SIL1: variants seen among roughly 807,000 people sequenced by gnomAD.
SIL1 encodes SIL1 nucleotide exchange factor.
A neutral mutation model predicts 49.1 loss-of-function variants in SIL1; 40 were observed. The observed-to-expected ratio is 0.81, with a 90% CI of 0.63 to 1.06. The LOEUF (loss-of-function observed/expected upper bound fraction) is 1.06. Ranked by LOEUF, SIL1 falls within the 50% of genes least tolerant of loss-of-function variation. SIL1 has a pLI of 0.00. For synonymous variants in SIL1, 253 were observed against 250.8 expected, an observed-to-expected ratio of 1.01 and a Z score of -0.08; for missense variants, 500 against 572.6, an observed-to-expected ratio of 0.87 and a Z score of 1.29.
intron 3 of SIL1, among the ~76,000 whole-genome samples, chr5:139,113,309 A>T (rs576040965): frequency 2.3e-5 from 3 of 132,064 alleles, no homozygotes; most frequent in East Asian, 2.0e-4. Flanking sequence ...ATAAAATAAA[A>T]AATAAATAAA....
At chr5:139,156,514 A>G (rs1313785508) in intron 1 of SIL1, among the ~76,000 whole-genome samples, 1 of 152,152 alleles carries the variant, frequency 6.6e-6, no homozygotes, top group Non-Finnish European at 1.5e-5. Flanking sequence ...GGGAGGGAAT[A>G]AGAAAAAAAA....
intron 1 of SIL1, among the ~76,000 whole-genome samples, chr5:139,165,552 GT>G (rs1463401218): frequency 6.6e-6 from 1 of 152,142 alleles, no homozygotes; most frequent in South Asian, 2.1e-4. Context: ...GTTTCACCAT[GT>G]TAGCCAGGCT....
At chr5:139,081,414 C>T (rs1473592101) in intron 3 of SIL1, among the ~76,000 whole-genome samples, 1 of 152,094 alleles carries the variant, frequency 6.6e-6, no homozygotes, top group East Asian at 1.9e-4. Context: ...GCCTCCATAC[C>T]CAGCTAACAA....
At position 139,009,463 on chromosome 5, in the gene SIL1, T is replaced by C. The variant is rs1381338671; in HGVS notation, c.767+11708A>G. Among the ~76,000 whole-genome samples the C allele has an allele frequency of 4.5e-5, 6 of 132,226 alleles. No individual in the cohort carries two copies. The East Asian group carries it at 1.3e-3, about 29-fold the overall frequency. The allele number at this position is 132,226 out of a possible 152,430, so 86.7% of individuals were successfully genotyped here. ...AATTGGAGAATTTAGTCCATTTACA[T>C]TTAAAGTTAATATTGTTATGTGTGA... On this transcript the variant is annotated intron_variant, in intron 7 of 9. Transcript: ENST00000394817.
At chr5:139,116,286 T>C (rs923606621) in intron 3 of SIL1, among the ~76,000 whole-genome samples, 1 of 152,208 alleles carries the variant, frequency 6.6e-6, no homozygotes, top group African/African-American at 2.4e-5. Context: ...CTCTCATCAG[T>C]TGTTGATGAT....
intron 1 of SIL1, among the ~76,000 whole-genome samples, chr5:139,149,206 C>T (rs76872301): frequency 0.014 from 2,203 of 152,264 alleles, 74 homozygotes; most frequent in East Asian, 0.14. Flanking sequence ...AAAGCCATTT[C>T]AACCCCAGGT....
At chr5:139,000,360 C>G (rs953374537) in intron 7 of SIL1, among the ~76,000 whole-genome samples, 1 of 152,038 alleles carries the variant, frequency 6.6e-6, no homozygotes, top group Non-Finnish European at 1.5e-5. Flanking sequence ...TACTTGATGT[C>G]AAAACTTATA....
intron 1 of SIL1, among the ~76,000 whole-genome samples, chr5:139,143,340 C>CATATATATATATATATAT (rs1398396877): frequency 2.7e-4 from 23 of 85,150 alleles, no homozygotes; most frequent in African/African-American, 8.6e-4. Context: ...CACACACACA[C>CATATATATATATATATAT]ACACATATAT....
At chr5:139,186,566 C>A (rs754815363) in intron 1 of SIL1, among the ~76,000 whole-genome samples, 1 of 152,138 alleles carries the variant, frequency 6.6e-6, no homozygotes, top group Non-Finnish European at 1.5e-5. Flanking sequence ...TAGCAGCCAC[C>A]CCTCATGAAG....
chr5:138,956,726 G>C lies in SIL1; in HGVS notation c.768-4842C>G, dbSNP rs190708751. On this transcript the variant is annotated intron_variant, in intron 7 of 9. Coordinates refer to ENST00000394817, the MANE Select transcript of SIL1 (RefSeq NM_022464.5). ...CCACTGCACTCCAGCCTGGGCAACA[G>C]AGCAAGACTCTATCTTAAAAAAAAA... Among the ~76,000 whole-genome samples, 3 of 143,590 alleles carry C rather than the reference G, an allele frequency of 2.1e-5. No individual in the cohort carries two copies. In the East Asian group the frequency reaches 6.0e-4, roughly 29 times the overall value. The allele number at this position is 143,590 out of a possible 152,430, so 94.2% of individuals were successfully genotyped here. A position where few individuals can be genotyped will look rare whatever the true frequency, so the allele number is the denominator to read the frequency against.
intron 1 of SIL1, among the ~76,000 whole-genome samples, chr5:139,177,868 A>C (rs1184443136): frequency 1.3e-5 from 2 of 152,202 alleles, no homozygotes; most frequent in Non-Finnish European, 2.9e-5. Context: ...ATCTACATCA[A>C]CCAGAACTGA....
At chr5:138,973,718 A>G (rs1408501694) in intron 7 of SIL1, among the ~76,000 whole-genome samples, 2 of 151,994 alleles carry the variant, frequency 1.3e-5, no homozygotes, top group East Asian at 1.9e-4. Context: ...TGCTGGGACT[A>G]CAAGTGTGAG....
At chr5:139,078,387 A>G (rs1038608258) in intron 3 of SIL1, among the ~76,000 whole-genome samples, 19 of 152,098 alleles carry the variant, frequency 1.2e-4, no homozygotes, top group African/African-American at 3.1e-4. Context: ...TAAAAAAAAA[A>G]GGGGAGGCCT....
At chr5:139,148,651 C>T (rs143743481) in intron 1 of SIL1, among the ~76,000 whole-genome samples, 47 of 152,312 alleles carry the variant, frequency 3.1e-4, no homozygotes, top group Non-Finnish European at 4.3e-4. Context: ...CCAATCCCAC[C>T]GGGTCATGAA....
intron 3 of SIL1, 33 bp from the exon 4 acceptor site, chr5:139,051,079 T>C (rs1428842335): frequency 1.2e-6 from 2 of 1,604,304 alleles, no homozygotes; most frequent in Non-Finnish European, 1.7e-6. Context: ...GCTCATGAGG[T>C]ACAAGGTCTT....
At chr5:139,181,990 G>T (rs879501259) in intron 1 of SIL1, among the ~76,000 whole-genome samples, 22 of 151,850 alleles carry the variant, frequency 1.4e-4, no homozygotes, top group East Asian at 9.6e-4. Context: ...TGTTTTTTTG[G>T]TTTTTTTTAA....
chr5:139,077,385 C>T (rs948013967), intron 3 of SIL1, among the ~76,000 whole-genome samples: 2 of 152,296 alleles, frequency 1.3e-5, no homozygotes, highest in African/African-American at 4.8e-5. Context: ...ATTTCCCCTA[C>T]ATTTCTACTA....
At chr5:138,999,435 C>T (rs1767941390) in intron 7 of SIL1, among the ~76,000 whole-genome samples, 1 of 152,024 alleles carries the variant, frequency 6.6e-6, no homozygotes, top group Non-Finnish European at 1.5e-5. Flanking sequence ...AACTCTTGGC[C>T]TCAAGCAATC....
At chr5:139,149,637 G>A (rs1057445082) in intron 1 of SIL1, among the ~76,000 whole-genome samples, 6 of 152,188 alleles carry the variant, frequency 3.9e-5, no homozygotes, top group Non-Finnish European at 7.3e-5. Flanking sequence ...GACAACAGAC[G>A]TCTCATTCAG....
Sources: gnomAD v4.1 joint callset for allele counts (sites outside exome capture counted in the v4.1 genomes callset) on GRCh38, gnomAD v4.1.1 for gene constraint, MANE v1.5 for transcripts, NCBI Gene and HGNC (gene_info 2026-07-23, HGNC 2026-07-21) for gene names.